Variants in ASIC2 observed in about 807,000 individuals in gnomAD.
ASIC2 encodes acid sensing ion channel subunit 2.
In ASIC2, 25 loss-of-function variants were observed where a neutral mutation model predicts 57.3. That is an observed-to-expected ratio of 0.44 (90% CI 0.32 to 0.61). The LOEUF (loss-of-function observed/expected upper bound fraction) is 0.61, where lower values mean the gene tolerates loss of function less well. Among genes scored for constraint, ASIC2 ranks in the 20% least tolerant of loss-of-function variants. The pLI is 0.06. For missense variants in ASIC2, 641 were observed against 738.1 expected (o/e 0.87, Z 1.52); for synonymous variants, 319 against 307.5 (o/e 1.04, Z -0.39).
intron 3 of ASIC2, among the ~76,000 whole-genome samples, chr17:33,034,580 C>T (rs1434606465): frequency 6.6e-6 from 1 of 152,154 alleles, no homozygotes; most frequent in Non-Finnish European, 1.5e-5. Flanking sequence ...ATTTTTGAAA[C>T]ATTTTGGCTG....
intron 1 of ASIC2, among the ~76,000 whole-genome samples, chr17:33,351,277 T>C (rs1908166493): frequency 6.6e-6 from 1 of 152,024 alleles, no homozygotes; most frequent in Middle Eastern, 3.4e-3. Context: ...GCCCCCTTTC[T>C]GTTTGGAGGC....
At chr17:33,366,404 G>A (rs1329957388) in intron 1 of ASIC2, among the ~76,000 whole-genome samples, 3 of 152,044 alleles carry the variant, frequency 2.0e-5, no homozygotes, top group African/African-American at 7.2e-5. Flanking sequence ...CTCTTTGAAG[G>A]CACTCTACTT....
At chr17:33,537,051 C>T (rs928799630) in intron 1 of ASIC2, among the ~76,000 whole-genome samples, 3 of 152,206 alleles carry the variant, frequency 2.0e-5, no homozygotes, top group African/African-American at 7.2e-5. Context: ...CACATCACTT[C>T]CCTGCCCAAA....
intron 1 of ASIC2, among the ~76,000 whole-genome samples, chr17:33,852,300 G>A (rs1264741392): frequency 2.0e-5 from 3 of 152,198 alleles, no homozygotes; most frequent in Non-Finnish European, 2.9e-5. Flanking sequence ...CAAAGGCACA[G>A]GATGTTTTCT....
At chr17:33,415,140 C>A (rs8075637) in intron 1 of ASIC2, among the ~76,000 whole-genome samples, 2 of 151,502 alleles carry the variant, frequency 1.3e-5, no homozygotes, top group African/African-American at 2.4e-5. Flanking sequence ...CACTTACCCT[C>A]TCTAAGTTTT....
chr17:33,659,239 T>C (rs553851501), intron 1 of ASIC2, among the ~76,000 whole-genome samples: 1 of 152,312 alleles, frequency 6.6e-6, no homozygotes, highest in African/African-American at 2.4e-5. Context: ...TACATTACGG[T>C]TGCTTTGCCT....
chr17:33,454,353 GGA>G (rs1912376380), intron 1 of ASIC2, among the ~76,000 whole-genome samples: 1 of 152,172 alleles, frequency 6.6e-6, no homozygotes, highest in African/African-American at 2.4e-5. Flanking sequence ...GTTACACCAA[GGA>G]CTCAACTCAG....
At chr17:33,087,865 C>T (rs1432741972) in intron 3 of ASIC2, among the ~76,000 whole-genome samples, 1 of 152,132 alleles carries the variant, frequency 6.6e-6, no homozygotes, top group East Asian at 1.9e-4. Context: ...GGCCCTACAA[C>T]AAGTTTTTAA....
intron 1 of ASIC2, chr17:34,005,991 G>A (rs1597970589): frequency 6.6e-6 from 1 of 152,346 alleles, no homozygotes; most frequent in East Asian, 1.9e-4. Flanking sequence ...CGGATCCATT[G>A]GGGTGAATAA....
chr17:33,725,449 T>C (rs1909518167), intron 1 of ASIC2, among the ~76,000 whole-genome samples: 1 of 152,162 alleles, frequency 6.6e-6, no homozygotes. Context: ...GGCGTTAGGG[T>C]CAGAAGGGCC....
chr17:33,217,373 T>G (rs999628814), intron 1 of ASIC2, among the ~76,000 whole-genome samples: 33 of 152,354 alleles, frequency 2.2e-4, no homozygotes, highest in African/African-American at 7.9e-4. Context: ...TGTGATTTGC[T>G]TTTGTATATT....
In ASIC2 at chr17:33,017,587, G is replaced by C; in HGVS notation, c.1521+18C>G. Reference sequence around the variant, plus strand: ...ACCAGCATGCGGTCATTTCCCTGTGGGGAATCCCAAATCTTACCTCATAAA... The same window carrying C: ...ACCAGCATGCGGTCATTTCCCTGTGCGGAATCCCAAATCTTACCTCATAAA... On this transcript the variant is annotated intron_variant, in intron 8 of 9. Coordinates refer to ENST00000225823, the MANE Select transcript of ASIC2 (RefSeq NM_183377.2). 2 of 1,604,288 alleles carry C rather than the reference G, an allele frequency of 1.2e-6. No individual in the cohort carries two copies. Among genetic ancestry groups the C allele is most frequent in the Non-Finnish European group, 1.7e-6 (2 of 1,171,938 alleles).
At chr17:33,100,482 C>T (rs749480170) in intron 2 of ASIC2, among the ~76,000 whole-genome samples, 62 of 152,180 alleles carry the variant, frequency 4.1e-4, no homozygotes, top group Non-Finnish European at 7.9e-4. Flanking sequence ...CCTTTAGATA[C>T]GCTTGTCCCC....
chr17:33,373,557 C>T (rs544439338), intron 1 of ASIC2, among the ~76,000 whole-genome samples: 79 of 152,330 alleles, frequency 5.2e-4, no homozygotes, highest in African/African-American at 1.6e-3. Context: ...CTCTGCTAGA[C>T]GTAGATGCAG....
At chr17:33,636,487 C>T (rs755043613) in intron 1 of ASIC2, among the ~76,000 whole-genome samples, 6 of 152,094 alleles carry the variant, frequency 3.9e-5, no homozygotes, top group East Asian at 3.9e-4. Flanking sequence ...TAACAGGACC[C>T]GCCCTGGCTG....
intron 1 of ASIC2, among the ~76,000 whole-genome samples, chr17:33,712,802 C>T (rs564336351): frequency 3.3e-5 from 5 of 151,314 alleles, no homozygotes; most frequent in East Asian, 1.9e-4. Flanking sequence ...CCCGCCACTA[C>T]GCCCGGCTAA....
chr17:33,852,704 T>C (rs1437070293), intron 1 of ASIC2, among the ~76,000 whole-genome samples: 1 of 152,170 alleles, frequency 6.6e-6, no homozygotes, highest in Non-Finnish European at 1.5e-5. Context: ...ATAAGGACAC[T>C]GTTTCTCCAA....
At chr17:33,435,328 G>T (rs1911569686) in intron 1 of ASIC2, among the ~76,000 whole-genome samples, 1 of 152,070 alleles carries the variant, frequency 6.6e-6, no homozygotes, top group South Asian at 2.1e-4. Flanking sequence ...ATAAGTCTGG[G>T]ATATCTTGTC....
At chr17:33,906,561 G>A (rs1165160381) in intron 1 of ASIC2, among the ~76,000 whole-genome samples, 2 of 152,166 alleles carry the variant, frequency 1.3e-5, no homozygotes, top group African/African-American at 4.8e-5. Context: ...GTTCAAGGTG[G>A]AATCACAAGA....
Sources: gnomAD v4.1 joint callset for allele counts (sites outside exome capture counted in the v4.1 genomes callset) on GRCh38, gnomAD v4.1.1 for gene constraint, MANE v1.5 for transcripts, NCBI Gene and HGNC (gene_info 2026-07-23, HGNC 2026-07-21) for gene names.